CNTNAP5: variants seen among roughly 807,000 people sequenced by gnomAD.
CNTNAP5 encodes the protein contactin-associated protein-like 5.
A neutral mutation model predicts 150.2 loss-of-function variants in CNTNAP5; 72 were observed. The ratio of observed to expected loss-of-function variants is 0.48; its 90% CI spans 0.40 to 0.58. CNTNAP5 has a LOEUF of 0.58. Ranked by LOEUF, CNTNAP5 falls within the 20% of genes least tolerant of loss-of-function variation. The probability of loss-of-function intolerance (pLI) is 0.00; values close to 1 mark genes in which losing one functional copy is unlikely to be tolerated. For missense variants in CNTNAP5, 1,636 were observed against 1,626.2 expected (o/e 1.01, Z -0.10); for synonymous variants, 672 against 619.8 (o/e 1.08, Z -1.25).
At chr2:124,519,449 T>C (rs1160342675) in intron 8 of CNTNAP5, among the ~76,000 whole-genome samples, 2 of 152,232 alleles carry the variant, frequency 1.3e-5, no homozygotes, top group Admixed American at 6.5e-5. Context: ...ATCAAAGAGA[T>C]GGCAGGAGCA....
intron 2 of CNTNAP5, among the ~76,000 whole-genome samples, chr2:124,235,063 G>A (rs930111194): frequency 2.6e-5 from 4 of 152,096 alleles, no homozygotes; most frequent in Non-Finnish European, 5.9e-5. Flanking sequence ...AAGACAGAGG[G>A]GAAAGCTAGC....
chr2:124,063,565 A>C (rs1335923607), intron 1 of CNTNAP5, among the ~76,000 whole-genome samples: 2 of 152,184 alleles, frequency 1.3e-5, no homozygotes, highest in African/African-American at 4.8e-5. Context: ...CAATTATGGA[A>C]GTACTTAAAC....
chr2:124,026,946 A>C (rs954770788), intron 1 of CNTNAP5, among the ~76,000 whole-genome samples: 4 of 152,206 alleles, frequency 2.6e-5, no homozygotes, highest in Admixed American at 2.0e-4. Context: ...TGTGGTGTAT[A>C]GAAAAATGTT....
chr2:124,219,488 G>A (rs1686246846), intron 1 of CNTNAP5, among the ~76,000 whole-genome samples: 1 of 152,124 alleles, frequency 6.6e-6, no homozygotes, highest in African/African-American at 2.4e-5. Flanking sequence ...AGTGGAGAGA[G>A]TGTTACCTGA....
At chr2:124,474,649 T>G in intron 6 of CNTNAP5, 90 bp from the exon 7 acceptor site, 1 of 1,121,390 alleles carries the variant, frequency 8.9e-7, no homozygotes, top group Non-Finnish European at 1.2e-6. Flanking sequence ...AGCATACAAT[T>G]GAATCTACCA....
At chr2:124,258,457 A>T (rs138922585) in intron 3 of CNTNAP5, among the ~76,000 whole-genome samples, 1 of 152,292 alleles carries the variant, frequency 6.6e-6, no homozygotes, top group African/African-American at 2.4e-5. Context: ...GCATTTGGGT[A>T]AAAGAGCTGG....
rs1157851312 is a variant in CNTNAP5, at chr2:124,902,957, A to G, written c.3512A>G (p.Tyr1171Cys). ...GCTGGATGCATGTCTTCCGTCCAGT[A>G]CAACCACATAGCACCACTGAAGGCT... Reference protein sequence around the residue: ...GFAGCMSSVQYNHIAPLKAAL... With the variant: ...GFAGCMSSVQCNHIAPLKAAL... Residue 1171 changes from tyrosine (Y) to cysteine (C), a missense_variant, in exon 22 of 24, where the codon TAC becomes TGC. By Grantham distance (194) the Tyr-to-Cys change is radical. Transcript: ENST00000682447. The G allele has an allele frequency of 1.2e-6, 2 of 1,613,234 alleles. No individual in the cohort carries two copies. The highest frequency in any genetic ancestry group is 1.7e-6 in the Non-Finnish European group (2 of 1,179,522).
intron 1 of CNTNAP5, among the ~76,000 whole-genome samples, chr2:124,180,555 C>T (rs1335414416): frequency 6.6e-6 from 1 of 151,906 alleles, no homozygotes; most frequent in African/African-American, 2.4e-5. Flanking sequence ...CCTAAATCTA[C>T]ATAAATTGAA....
At chr2:124,502,416 G>T (rs1694298570) in intron 7 of CNTNAP5, among the ~76,000 whole-genome samples, 1 of 152,182 alleles carries the variant, frequency 6.6e-6, no homozygotes. Flanking sequence ...CTTGGGTGAA[G>T]CTAAACTGGG....
chr2:124,244,305 G>A (rs74715092), intron 3 of CNTNAP5, among the ~76,000 whole-genome samples: 5 of 152,084 alleles, frequency 3.3e-5, no homozygotes, highest in Admixed American at 6.6e-5. Flanking sequence ...TGTCCATTTA[G>A]CCCCTGTGCC....
intron 1 of CNTNAP5, among the ~76,000 whole-genome samples, chr2:124,119,011 GCTTT>G (rs1573767085): frequency 6.6e-6 from 1 of 152,140 alleles, no homozygotes; most frequent in East Asian, 1.9e-4. Flanking sequence ...ATTCACACTG[GCTTT>G]CTTTCTGTTG....
intron 1 of CNTNAP5, among the ~76,000 whole-genome samples, chr2:124,168,741 G>A (rs545956171): frequency 1.3e-5 from 2 of 151,742 alleles, no homozygotes; most frequent in Non-Finnish European, 2.9e-5. Context: ...AAAATATAGA[G>A]TAAAAAAAAT....
intron 7 of CNTNAP5, among the ~76,000 whole-genome samples, chr2:124,487,743 A>G (rs1013694872): frequency 6.6e-6 from 1 of 152,112 alleles, no homozygotes; most frequent in African/African-American, 2.4e-5. Flanking sequence ...AGTGCATTTT[A>G]TCAAACTTTT....
At chr2:124,320,149 C>G (rs1466560667) in intron 3 of CNTNAP5, among the ~76,000 whole-genome samples, 1 of 152,294 alleles carries the variant, frequency 6.6e-6, no homozygotes, top group African/African-American at 2.4e-5. Flanking sequence ...ACAGTTATAT[C>G]CATTTATGCT....
chr2:124,671,114 C>T (rs552506478), intron 13 of CNTNAP5, among the ~76,000 whole-genome samples: 3 of 152,108 alleles, frequency 2.0e-5, no homozygotes, highest in African/African-American at 2.4e-5. Flanking sequence ...ATCTGCCTTT[C>T]CTCACCCATC....
rs74916648 is a variant in CNTNAP5, at chr2:124,232,518, G to A, written c.188-9682G>A. The stretch of plus-strand genomic sequence containing the variant: ...GTGAAAATGGCAACATATAACAAAC[G>A]CCAAAGAAACAGAAAATGGGAGTTA... On this transcript the variant is annotated intron_variant, in intron 2 of 23. Coordinates refer to ENST00000682447, the MANE Select transcript of CNTNAP5 (RefSeq NM_001367498.1). 5.9e-5 allele frequency among the ~76,000 whole-genome samples: 9 copies of A among 152,124 alleles called. No homozygotes were observed. The East Asian group carries it at 1.5e-3, about 26-fold the overall frequency.
intron 3 of CNTNAP5, among the ~76,000 whole-genome samples, chr2:124,377,576 G>A (rs1690681608): frequency 1.3e-5 from 2 of 151,778 alleles, no homozygotes; most frequent in African/African-American, 2.4e-5. Context: ...TCAGGAGGCT[G>A]AGACAGGAGA....
chr2:124,907,970 T>C (rs764188264), intron 22 of CNTNAP5, among the ~76,000 whole-genome samples: 1 of 151,820 alleles, frequency 6.6e-6, no homozygotes, highest in Non-Finnish European at 1.5e-5. Flanking sequence ...GGGAAATCTG[T>C]TGTGAAATCA....
intron 1 of CNTNAP5, among the ~76,000 whole-genome samples, chr2:124,137,024 C>T (rs936573874): frequency 1.3e-5 from 2 of 151,830 alleles, no homozygotes; most frequent in Non-Finnish European, 2.9e-5. Context: ...CCCCTGAGTT[C>T]TCCTGCCTCA....
Sources: allele counts gnomAD v4.1 joint callset (sites outside exome capture counted in the v4.1 genomes callset), GRCh38; gene constraint gnomAD v4.1.1; transcripts MANE v1.5; gene names NCBI Gene and HGNC (gene_info 2026-07-23, HGNC 2026-07-21).